Variants in RIMBP2 observed in about 807,000 individuals in gnomAD.
The protein encoded by RIMBP2 is RIMS binding protein 2, also known as RIMS-binding protein 2.
Under a neutral mutation model 118.6 loss-of-function variants are expected in RIMBP2, and 48 were observed. The observed-to-expected ratio is 0.40, with a 90% CI of 0.32 to 0.51. The LOEUF is 0.51. Among genes scored for constraint, RIMBP2 ranks in the 20% least tolerant of loss-of-function variants. The pLI is 0.41. For missense variants in RIMBP2, 1,551 were observed against 1,768.3 expected, an observed-to-expected ratio of 0.88 and a Z score of 2.20; for synonymous variants, 762 against 742.9, an observed-to-expected ratio of 1.03 and a Z score of -0.42.
intron 1 of RIMBP2, among the ~76,000 whole-genome samples, chr12:130,675,452 C>G (rs565187795): frequency 1.3e-5 from 2 of 152,202 alleles, no homozygotes; most frequent in African/African-American, 4.8e-5. Context: ...AAATCTGTCC[C>G]TGCTGGGTTC....
chr12:130,402,124 T>C (rs112077645), intron 21 of RIMBP2, among the ~76,000 whole-genome samples: 6 of 152,322 alleles, frequency 3.9e-5, no homozygotes, highest in African/African-American at 1.4e-4. Context: ...CCCTTCCCCA[T>C]GTCTGATGCC....
chr12:130,689,876 A>C (rs1432752410), intron 1 of RIMBP2, among the ~76,000 whole-genome samples: 3 of 152,180 alleles, frequency 2.0e-5, no homozygotes, highest in East Asian at 3.9e-4. Flanking sequence ...AGGCTCAGCC[A>C]GGCGCTCTGC....
intron 7 of RIMBP2, among the ~76,000 whole-genome samples, chr12:130,452,156 G>T (rs976534370): frequency 3.3e-5 from 5 of 152,222 alleles, no homozygotes; most frequent in African/African-American, 7.2e-5. Flanking sequence ...GCTCTCCGCT[G>T]CTGGGAATGA....
In RIMBP2 at chr12:130,511,422, C is replaced by T. The variant is rs1476130048; in HGVS notation, c.-126-4652G>A. The stretch of plus-strand genomic sequence containing the variant: ...AGTCCTCGTTACCGCGAGCACGCGT[C>T]GAATTGTCACTCTACACCAACAACT... On this transcript the variant is annotated intron_variant, in intron 3 of 22. Coordinates refer to ENST00000690449, the MANE Select transcript of RIMBP2 (RefSeq NM_001393629.1). The surrounding 1 kb of genome is among the most constrained non-coding windows in gnomAD (Gnocchi z 4.3). Among the ~76,000 whole-genome samples, 1 of 152,188 alleles carries T rather than the reference C, an allele frequency of 6.6e-6. No homozygotes were observed.
intron 1 of RIMBP2, among the ~76,000 whole-genome samples, chr12:130,666,777 G>A (rs573169594): frequency 2.3e-5 from 3 of 130,108 alleles, no homozygotes; most frequent in African/African-American, 5.7e-5. Context: ...GAAGGAGAGA[G>A]GGAAGAAGGG....
intron 2 of RIMBP2, among the ~76,000 whole-genome samples, chr12:130,590,366 A>C (rs147040683): frequency 1.3e-5 from 2 of 152,294 alleles, no homozygotes; most frequent in East Asian, 3.9e-4. Context: ...CCCCAGGGCC[A>C]CAGCACAAAG....
At chr12:130,515,059 G>A (rs2051305488) in intron 3 of RIMBP2, among the ~76,000 whole-genome samples, 1 of 152,060 alleles carries the variant, frequency 6.6e-6, no homozygotes, top group Non-Finnish European at 1.5e-5. Context: ...TGTATTTTTA[G>A]TAGAGACGGG....
intron 2 of RIMBP2, among the ~76,000 whole-genome samples, chr12:130,538,471 C>T (rs903646137): frequency 7.9e-5 from 12 of 151,954 alleles, no homozygotes; most frequent in South Asian, 2.1e-4. Flanking sequence ...AGAGAATCCC[C>T]GAATCCACTC....
At chr12:130,451,103 T>C (rs2078967680) in intron 8 of RIMBP2, 92 bp downstream of exon 8, 3 of 1,370,336 alleles carry the variant, frequency 2.2e-6, no homozygotes, top group Admixed American at 1.9e-5. Flanking sequence ...GGGAGGAAGA[T>C]GGGGAAGAAA....
rs2058646337 is a variant in RIMBP2, at chr12:130,583,803, GCC to G, written c.-217+44517_-217+44518del. On this transcript the variant is annotated intron_variant, in intron 2 of 22. Transcript: ENST00000690449. ...CCGCCATCACCTCATCACCACCACC[GCC>G]ATCACCTCATCACCACCACCCCCAT... Among the ~76,000 whole-genome samples, 3 of 19,462 alleles carry G rather than the reference GCC, an allele frequency of 1.5e-4. No homozygotes were observed. The Admixed American group carries it at 2.2e-3, about 14-fold the overall frequency. The allele number at this position is 19,462 out of a possible 152,430, so 12.8% of individuals were successfully genotyped here.
intron 2 of RIMBP2, among the ~76,000 whole-genome samples, chr12:130,573,584 G>A (rs1405415631): frequency 6.6e-6 from 1 of 152,154 alleles, no homozygotes; most frequent in South Asian, 2.1e-4. Context: ...TGATGGGTCT[G>A]AACAGTCTTT....
At chr12:130,689,626 C>A (rs1566459076) in intron 1 of RIMBP2, among the ~76,000 whole-genome samples, 1 of 152,058 alleles carries the variant, frequency 6.6e-6, no homozygotes, top group Non-Finnish European at 1.5e-5. Context: ...TGCCTCTGAT[C>A]CCAAGGCTTA....
chr12:130,502,269 G>A (rs556126445), intron 4 of RIMBP2, among the ~76,000 whole-genome samples: 1 of 152,290 alleles, frequency 6.6e-6, no homozygotes, highest in Admixed American at 6.5e-5. Flanking sequence ...GAGCAATGAT[G>A]GACTGTGACC....
At chr12:130,696,972 G>A (rs2065602620) in intron 1 of RIMBP2, among the ~76,000 whole-genome samples, 2 of 152,182 alleles carry the variant, frequency 1.3e-5, no homozygotes, top group Admixed American at 1.3e-4. Context: ...AACGGGGGCT[G>A]TAAGGTGGGC....
chr12:130,546,673 T>G (rs956859497), intron 2 of RIMBP2, among the ~76,000 whole-genome samples: 1 of 152,176 alleles, frequency 6.6e-6, no homozygotes, highest in Non-Finnish European at 1.5e-5. Flanking sequence ...CTTCTTTTCA[T>G]GCAAAACGAA....
At position 130,578,208 on chromosome 12, in the gene RIMBP2, C is replaced by G. The variant is rs2058221854; in HGVS notation, c.-217+50114G>C. 6.6e-6 allele frequency among the ~76,000 whole-genome samples: 1 copy of G among 152,200 alleles called. No individual in the cohort carries two copies. Among genetic ancestry groups the G allele is most frequent in the South Asian group, 2.1e-4 (1 of 4,834 alleles). On this transcript the variant is annotated intron_variant, in intron 2 of 22. Coordinates refer to ENST00000690449, the MANE Select transcript of RIMBP2 (RefSeq NM_001393629.1). The surrounding 1 kb of genome is among the most constrained non-coding windows in gnomAD (Gnocchi z 4.1). The stretch of plus-strand genomic sequence containing the variant: ...GAGGAGGCATGGGTCAGGGCCTGAG[C>G]TGGGGCAGAAGCTCAGAGGATTCCA...
rs1470087889 is a variant in RIMBP2, at chr12:130,587,448, G to A, written c.-217+40874C>T. 4.8e-3 allele frequency among the ~76,000 whole-genome samples: 391 copies of A among 81,060 alleles called. 4 individuals carry two copies. Among genetic ancestry groups the A allele is most frequent in the African/African-American group, 0.018 (372 of 20,214 alleles). 53.2% of individuals were successfully genotyped at this position (81,060 alleles called of 152,430 possible). A position where few individuals can be genotyped will look rare whatever the true frequency, so the allele number is the denominator to read the frequency against. ...CCAACCCAAATGTCCAACAATGATA[G>A]ACTGGATTAAGAAAATGTGGCACAT... On this transcript the variant is annotated intron_variant, in intron 2 of 22. Transcript: ENST00000690449.
chr12:130,484,597 C>T (rs965827368), intron 4 of RIMBP2, among the ~76,000 whole-genome samples: 2 of 152,230 alleles, frequency 1.3e-5, no homozygotes, highest in East Asian at 1.9e-4. Flanking sequence ...ATGGGTCACT[C>T]GGCACAGATG....
chr12:130,521,304 C>T (rs1050819951), intron 2 of RIMBP2, among the ~76,000 whole-genome samples: 36 of 152,328 alleles, frequency 2.4e-4, no homozygotes, highest in African/African-American at 6.0e-4. Context: ...GCTGGTTGCA[C>T]GCTTGAGATC....
Sources: gnomAD v4.1 joint callset for allele counts (sites outside exome capture counted in the v4.1 genomes callset) on GRCh38, gnomAD v4.1.1 for gene constraint, Gnocchi (gnomAD v3.1) non-coding constraint, MANE v1.5 for transcripts, NCBI Gene and HGNC (gene_info 2026-07-23, HGNC 2026-07-21) for gene names.